The following THSD7B variants were observed in gnomAD, a reference collection of about 807,000 sequenced individuals.
The protein encoded by THSD7B is thrombospondin type-1 domain-containing protein 7B.
In THSD7B, 138 loss-of-function variants were observed where a neutral mutation model predicts 213.6. The ratio of observed to expected loss-of-function variants is 0.65; its 90% CI spans 0.56 to 0.74. The LOEUF (loss-of-function observed/expected upper bound fraction) is 0.74. THSD7B is among the 30% of genes least tolerant of loss of function. The pLI, the probability that THSD7B is intolerant of heterozygous loss-of-function variation, is 0.00. For synonymous variants in THSD7B, 742 were observed against 687.0 expected, an observed-to-expected ratio of 1.08 and a Z score of -1.25; for missense variants, 1,931 against 1,991.5, an observed-to-expected ratio of 0.97 and a Z score of 0.58.
At chr2:137,614,424 T>G (rs16839159) in intron 17 of THSD7B, among the ~76,000 whole-genome samples, 2,986 of 152,262 alleles carry the variant, frequency 0.02, 44 homozygotes, top group Middle Eastern at 0.071. Context: ...ACTAAGCAGG[T>G]ACCTAAGCCT....
intron 1 of THSD7B, among the ~76,000 whole-genome samples, chr2:136,871,980 A>G (rs1683437404): frequency 6.6e-6 from 1 of 152,122 alleles, no homozygotes; most frequent in Non-Finnish European, 1.5e-5. Context: ...AGTTTGTTTT[A>G]TTCCCCATAT....
chr2:137,307,913 T>C (rs767450927), intron 12 of THSD7B, among the ~76,000 whole-genome samples: 2 of 151,946 alleles, frequency 1.3e-5, no homozygotes, highest in Non-Finnish European at 1.5e-5. Context: ...AGGAGTCTTA[T>C]AGGTTCCTCA....
intron 6 of THSD7B, among the ~76,000 whole-genome samples, chr2:137,163,948 T>A (rs1392303280): frequency 6.6e-6 from 1 of 152,206 alleles, no homozygotes; most frequent in East Asian, 1.9e-4. Flanking sequence ...CTTAGTTGAT[T>A]TTCTCCATCA....
At chr2:137,126,153 T>C (rs1186872979) in intron 5 of THSD7B, among the ~76,000 whole-genome samples, 1 of 152,178 alleles carries the variant, frequency 6.6e-6, no homozygotes, top group East Asian at 1.9e-4. Context: ...ACCAGCTGCA[T>C]CGGCCCCTAA....
chr2:137,119,499 G>A (rs1427154255), intron 5 of THSD7B, among the ~76,000 whole-genome samples: 4 of 152,166 alleles, frequency 2.6e-5, no homozygotes, highest in Non-Finnish European at 5.9e-5. Context: ...TTTAAAAGGA[G>A]CTTGGAGAGT....
Position 137,057,010 on chromosome 2 carries a change from A to C in THSD7B, c.730A>C (p.Lys244Gln). 1 of 1,613,942 alleles carries C rather than the reference A, an allele frequency of 6.2e-7. No homozygotes were observed. Among genetic ancestry groups the C allele is most frequent in the Non-Finnish European group, 8.5e-7 (1 of 1,179,868 alleles). The change falls in exon 3 of 28, where the codon AAG becomes CAG. Residue 244 changes from lysine to glutamine, a missense_variant. Coordinates refer to ENST00000409968, the MANE Select transcript of THSD7B (RefSeq NM_001316349.2). ...LGEEEYTFSLKVGPWSKCRLP... is the reference protein window; with the variant it reads ...LGEEEYTFSLQVGPWSKCRLP... The stretch of plus-strand genomic sequence containing the variant: ...GGAAGAGGAATATACATTTAGCCTT[A>C]AGGTTGGACCATGGAGTAAATGCAG...
chr2:136,964,695 T>G (rs1050131168), intron 2 of THSD7B, among the ~76,000 whole-genome samples: 2 of 152,054 alleles, frequency 1.3e-5, no homozygotes, highest in African/African-American at 4.8e-5. Flanking sequence ...CTCATTTCTC[T>G]TCTTCTCTAT....
chr2:137,086,557 T>C (rs1251044422), intron 3 of THSD7B, among the ~76,000 whole-genome samples: 1 of 152,194 alleles, frequency 6.6e-6, no homozygotes, highest in East Asian at 1.9e-4. Flanking sequence ...CCCTTCACAA[T>C]ATTCTTAACT....
At position 137,254,820 on chromosome 2, in the gene THSD7B, A is replaced by G. The variant is rs193269577; in HGVS notation, c.2266+12248A>G. ...TCATGACTATTTAAGCTCAAGGCAT[A>G]AACATTATGAATTTTATAAACAGAA... is the stretch of plus-strand genomic sequence containing the variant. On this transcript the variant is annotated intron_variant, in intron 10 of 27. Transcript: ENST00000409968. 1.4e-3 allele frequency among the ~76,000 whole-genome samples: 218 copies of G among 152,236 alleles called. 3 individuals carry two copies. The highest frequency in any genetic ancestry group is 5.1e-3 in the African/African-American group (210 of 41,556).
intron 3 of THSD7B, among the ~76,000 whole-genome samples, chr2:137,073,230 G>T (rs1687538439): frequency 6.6e-6 from 1 of 152,050 alleles, no homozygotes; most frequent in Non-Finnish European, 1.5e-5. Context: ...AATCCATCTG[G>T]TCCTGGACTT....
At chr2:136,961,088 C>CA (rs57328048) in intron 2 of THSD7B, among the ~76,000 whole-genome samples, 8,185 of 39,096 alleles carry the variant, frequency 0.21, 2,614 homozygotes, top group East Asian at 0.76. Context: ...GACTCCGTCT[C>CA]AAAAAAAAAA....
chr2:136,911,745 A>C (rs1267580351), intron 2 of THSD7B, among the ~76,000 whole-genome samples: 1 of 152,230 alleles, frequency 6.6e-6, no homozygotes, highest in Non-Finnish European at 1.5e-5. Context: ...TTCAAATCAC[A>C]GTTTCTTTAA....
intron 2 of THSD7B, among the ~76,000 whole-genome samples, chr2:137,000,280 G>T (rs1343443124): frequency 1.3e-5 from 2 of 152,086 alleles, no homozygotes; most frequent in South Asian, 4.1e-4. Context: ...AATTTAAGGG[G>T]ACTGAATTTT....
chr2:137,587,745 T>C (rs1681769758), intron 17 of THSD7B, among the ~76,000 whole-genome samples: 1 of 152,234 alleles, frequency 6.6e-6, no homozygotes, highest in Non-Finnish European at 1.5e-5. Flanking sequence ...AATCTGCCCC[T>C]ACTGGGCAGT....
chr2:137,448,146 G>T (rs1199579279), intron 14 of THSD7B, among the ~76,000 whole-genome samples: 1 of 152,180 alleles, frequency 6.6e-6, no homozygotes, highest in Non-Finnish European at 1.5e-5. Flanking sequence ...GTGAGAAACT[G>T]GTTGAAGATA....
intron 2 of THSD7B, among the ~76,000 whole-genome samples, chr2:136,967,310 G>C (rs2104796801): frequency 6.6e-6 from 1 of 152,244 alleles, no homozygotes; most frequent in East Asian, 1.9e-4. Flanking sequence ...TTGCCCTACT[G>C]TTTTCAATGG....
At chr2:136,832,895 A>C (rs186188593) in intron 1 of THSD7B, among the ~76,000 whole-genome samples, 1 of 152,254 alleles carries the variant, frequency 6.6e-6, no homozygotes, top group Admixed American at 6.5e-5. Context: ...TTCATCCTCT[A>C]GTTATACTTT....
At chr2:137,227,423 C>G (rs893797800) in intron 7 of THSD7B, among the ~76,000 whole-genome samples, 4 of 152,134 alleles carry the variant, frequency 2.6e-5, no homozygotes, top group Admixed American at 1.3e-4. Flanking sequence ...TAAATATATT[C>G]CATTTTATTA....
chr2:137,330,823 C>T (rs1231933285), intron 12 of THSD7B, among the ~76,000 whole-genome samples: 3 of 152,124 alleles, frequency 2.0e-5, no homozygotes, highest in Non-Finnish European at 4.4e-5. Context: ...CTGGCTCAGG[C>T]AGCCTGCTTT....
Sources: gnomAD v4.1 joint callset for allele counts (sites outside exome capture counted in the v4.1 genomes callset) on GRCh38, gnomAD v4.1.1 for gene constraint, MANE v1.5 for transcripts, NCBI Gene and HGNC (gene_info 2026-07-23, HGNC 2026-07-21) for gene names.